The following NCAM1 variants were observed in gnomAD, a reference collection of about 807,000 sequenced individuals.
NCAM1 encodes neural cell adhesion molecule 1.
Under a neutral mutation model 109.8 loss-of-function variants are expected in NCAM1, and 14 were observed. The ratio of observed to expected loss-of-function variants is 0.13; its 90% CI spans 0.08 to 0.20. The LOEUF (loss-of-function observed/expected upper bound fraction) is 0.20. Ranked by LOEUF, NCAM1 falls within the 10% of genes least tolerant of loss-of-function variation. The pLI is 1.00. For missense variants in NCAM1, 774 were observed against 1,109.9 expected, an observed-to-expected ratio of 0.70 and a Z score of 4.30; for synonymous variants, 418 against 442.9, an observed-to-expected ratio of 0.94 and a Z score of 0.70.
chr11:113,225,066 G>T (rs899633851), intron 9 of NCAM1, among the ~76,000 whole-genome samples: 3 of 152,208 alleles, frequency 2.0e-5, no homozygotes, highest in Non-Finnish European at 4.4e-5. Flanking sequence ...ACCAGCAGCG[G>T]AACAAAGCTG....
rs1555113148 is a variant in NCAM1, at chr11:113,207,924, A to G, written c.838A>G (p.Asn280Asp). 1.2e-6 allele frequency: 2 copies of G among 1,612,662 alleles called. No homozygotes were observed. Among genetic ancestry groups the G allele is most frequent in the Non-Finnish European group, 1.7e-6 (2 of 1,179,442 alleles). ...SQLTIKKVDK[N>D]DEAEYICIAE... ...GCTGACCATCAAAAAGGTGGATAAG[A>G]ACGACGAGGCTGAGTACATCTGCAT... The change falls in exon 7 of 20, where the codon AAC becomes GAC. Residue 280 changes from asparagine to aspartate, a missense_variant. Asn to Asp is a conservative substitution (Grantham distance 23, BLOSUM62 1). Transcript: ENST00000316851.
chr11:113,234,983 G>A, intron 13 of NCAM1, 50 bp from the exon 14 acceptor site: 1 of 1,515,184 alleles, frequency 6.6e-7, no homozygotes, highest in Non-Finnish European at 8.9e-7. Context: ...CAGAGCGGCT[G>A]CACCATTTTA....
rs1015568291 is a variant in NCAM1 at position 113,207,824 on chromosome 11, A to G, written c.747-9A>G. 14 of 1,605,072 alleles carry G rather than the reference A, an allele frequency of 8.7e-6. No homozygotes were observed. The highest frequency in any genetic ancestry group is 1.7e-5 in the Admixed American group (1 of 59,088). On this transcript the variant is annotated splice_polypyrimidine_tract_variant and intron_variant, in intron 6 of 19. Transcript: ENST00000316851. ...AAATCATGCTACTTTGCATTTCTAC[A>G]TGCTCTAGGGATGGGGAACAGATAG... is the stretch of plus-strand genomic sequence containing the variant.
Position 113,266,522 on chromosome 11 carries a change from G to A in NCAM1, c.2132-3666G>A, listed in dbSNP as rs191471118. On this transcript the variant is annotated intron_variant, in intron 17 of 19. Transcript: ENST00000316851. ...CTGGGGTGGCAAATCATGGGATCAC[G>A]TGCTCCTCTTTGTAATGCAGGGGAG... is the stretch of plus-strand genomic sequence containing the variant. Among the ~76,000 whole-genome samples the A allele has an allele frequency of 1.3e-3, 201 of 152,274 alleles. 1 individual carries two copies. Among genetic ancestry groups the A allele is most frequent in the Non-Finnish European group, 2.4e-3 (161 of 68,022 alleles).
At chr11:113,256,319 C>T (rs1329671940) in intron 16 of NCAM1, among the ~76,000 whole-genome samples, 2 of 152,170 alleles carry the variant, frequency 1.3e-5, no homozygotes, top group African/African-American at 4.8e-5. Context: ...CTTGTAAATG[C>T]CATACTAATA....
rs530077313 is a variant in NCAM1, at chr11:113,084,550, G to A, written c.53-117829G>A. Among the ~76,000 whole-genome samples, 3 of 152,068 alleles carry A rather than the reference G, an allele frequency of 2.0e-5. No individual in the cohort carries two copies. The South Asian group carries it at 6.2e-4, about 32-fold the overall frequency. ...GATTGGCAGTGTTTCACCTTTCTTC[G>A]TGGTATAAAAATAATGATGGTGCAT... On this transcript the variant is annotated intron_variant, in intron 1 of 19. Transcript: ENST00000316851.
At chr11:113,224,826 C>G (rs556439401) in intron 9 of NCAM1, among the ~76,000 whole-genome samples, 1 of 152,356 alleles carries the variant, frequency 6.6e-6, no homozygotes, top group Admixed American at 6.5e-5. Flanking sequence ...CAAACAGGGT[C>G]TGGAGTTGAG....
At chr11:113,259,664 A>AGG (rs1381400005) in intron 16 of NCAM1, among the ~76,000 whole-genome samples, 1 of 148,572 alleles carries the variant, frequency 6.7e-6, no homozygotes, top group African/African-American at 2.5e-5. Context: ...GCAATTTTTC[A>AGG]GGCTGGTAAA....
intron 5 of NCAM1, 50 bp downstream of exon 5, chr11:113,206,230 C>T: frequency 6.5e-7 from 1 of 1,531,370 alleles, no homozygotes; most frequent in Non-Finnish European, 8.8e-7. Context: ...AACCTTGGTT[C>T]TCCAAAATCA....
chr11:113,236,268 T>C, intron 14 of NCAM1: 1 of 1,612,754 alleles, frequency 6.2e-7, no homozygotes, highest in Non-Finnish European at 8.5e-7. Context: ...TTGTTTTTTC[T>C]TTTCGTCTGT....
intron 15 of NCAM1, 49 bp downstream of exon 15, chr11:113,246,419 G>A (rs1047948851): frequency 1.1e-5 from 8 of 719,836 alleles, no homozygotes; most frequent in Admixed American, 1.9e-5. Flanking sequence ...ACCACAGCCT[G>A]GCACATAGGG....
chr11:113,098,809 A>G (rs1939727382), intron 1 of NCAM1, among the ~76,000 whole-genome samples: 1 of 152,220 alleles, frequency 6.6e-6, no homozygotes, highest in Admixed American at 6.5e-5. Flanking sequence ...TGAAATGCTC[A>G]TGAAACTTTC....
At chr11:112,985,749 T>C (rs1318425389) in intron 1 of NCAM1, among the ~76,000 whole-genome samples, 6 of 152,024 alleles carry the variant, frequency 3.9e-5, no homozygotes, top group Non-Finnish European at 5.9e-5. Context: ...TTTTTGTATG[T>C]TGACTTTGTA....
At chr11:113,153,347 T>A (rs576014456) in intron 1 of NCAM1, among the ~76,000 whole-genome samples, 1 of 152,236 alleles carries the variant, frequency 6.6e-6, no homozygotes, top group South Asian at 2.1e-4. Flanking sequence ...AGCAGCAATG[T>A]CTGTGATTTA....
At chr11:113,261,251 T>A (rs1945988167) in intron 17 of NCAM1, among the ~76,000 whole-genome samples, 1 of 150,956 alleles carries the variant, frequency 6.6e-6, no homozygotes, top group Non-Finnish European at 1.5e-5. Context: ...TGGTCATGAT[T>A]CCTCCTCCCA....
chr11:113,114,900 G>T (rs782670310), intron 1 of NCAM1, among the ~76,000 whole-genome samples: 1 of 151,942 alleles, frequency 6.6e-6, no homozygotes, highest in African/African-American at 2.4e-5. Context: ...AAATTAAGAC[G>T]AGCTCTCCTC....
intron 1 of NCAM1, among the ~76,000 whole-genome samples, chr11:113,163,289 A>G (rs1275847295): frequency 6.6e-6 from 1 of 152,174 alleles, no homozygotes; most frequent in Non-Finnish European, 1.5e-5. Flanking sequence ...GTGCTGAAAA[A>G]GTCTGGAAAA....
At chr11:113,247,968 G>A (rs569420663) in intron 15 of NCAM1, among the ~76,000 whole-genome samples, 6 of 152,278 alleles carry the variant, frequency 3.9e-5, no homozygotes, top group African/African-American at 1.2e-4. Flanking sequence ...TCTTAAATGT[G>A]AGCAGTTACT....
intron 1 of NCAM1, among the ~76,000 whole-genome samples, chr11:112,966,036 C>T (rs181886275): frequency 2.6e-5 from 4 of 152,302 alleles, no homozygotes; most frequent in Non-Finnish European, 4.4e-5. Context: ...TGAGCACACA[C>T]ATGTTTTCTG....
Sources: allele counts gnomAD v4.1 joint callset (sites outside exome capture counted in the v4.1 genomes callset), GRCh38; gene constraint gnomAD v4.1.1; transcripts MANE v1.5; gene names NCBI Gene and HGNC (gene_info 2026-07-23, HGNC 2026-07-21).